Variants in PCDHGA10 observed in about 807,000 individuals in gnomAD.
PCDHGA10 encodes protocadherin gamma-A10.
In PCDHGA10, 42 loss-of-function variants were observed where a neutral mutation model predicts 59.5. The observed-to-expected ratio is 0.71, with a 90% CI of 0.55 to 0.91. The LOEUF is 0.91. PCDHGA10 is among the 40% of genes least tolerant of loss of function. PCDHGA10 has a pLI of 0.00. For missense variants in PCDHGA10, 1,111 were observed against 1,198.2 expected (o/e 0.93, Z 1.07); for synonymous variants, 511 against 517.2 (o/e 0.99, Z 0.16).
chr5:141,477,678 C>A lies in PCDHGA10; in HGVS notation c.2437-17129C>A, dbSNP rs967769574. 1 of 1,614,182 alleles carries A rather than the reference C, an allele frequency of 6.2e-7. No individual in the cohort carries two copies. The highest frequency in any genetic ancestry group is 1.3e-5 in the African/African-American group (1 of 75,054). ...AATCGTGACAATGGCATAGTGTCAT[C>A]CTTAGTGCCCCTAGACTATGAGGAT... is the stretch of plus-strand genomic sequence containing the variant. On this transcript the variant is annotated intron_variant, in intron 1 of 3. Transcript: ENST00000398610. The surrounding 1 kb of genome is among the most constrained non-coding windows in gnomAD (Gnocchi z 4.9).
intron 1 of PCDHGA10, among the ~76,000 whole-genome samples, chr5:141,455,844 T>TA (rs2098833146): frequency 6.6e-6 from 1 of 150,818 alleles, no homozygotes; most frequent in Non-Finnish European, 1.5e-5. Flanking sequence ...TCTATCTGCA[T>TA]AAAATAATTT....
In PCDHGA10 at chr5:141,432,487, G is replaced by A; in HGVS notation, c.2436+16876G>A. On this transcript the variant is annotated intron_variant, in intron 1 of 3. Coordinates refer to ENST00000398610, the MANE Select transcript of PCDHGA10 (RefSeq NM_018913.3). This position sits in a 1 kb window ranked among gnomAD's most constrained non-coding sequence, Gnocchi z 6.0. ...CCACGGACGGTTCCACTGGCGTGGA[G>A]CTGGCTCCCCGCTCCGCAGAGCCCG... 1.2e-6 allele frequency: 2 copies of A among 1,614,208 alleles called. No homozygotes were observed. The highest frequency in any genetic ancestry group is 2.2e-5 in the East Asian group (1 of 44,874).
intron 1 of PCDHGA10, among the ~76,000 whole-genome samples, chr5:141,457,938 G>A (rs915640623): frequency 6.6e-6 from 1 of 152,160 alleles, no homozygotes; most frequent in African/African-American, 2.4e-5. Flanking sequence ...GCTTTTATTG[G>A]CTCTGCATGT....
intron 2 of PCDHGA10, among the ~76,000 whole-genome samples, chr5:141,503,700 C>G (rs2099828974): frequency 6.6e-6 from 1 of 152,016 alleles, no homozygotes; most frequent in Non-Finnish European, 1.5e-5. Flanking sequence ...GAGATTCCTG[C>G]TTTCCCCTTC....
intron 1 of PCDHGA10, among the ~76,000 whole-genome samples, chr5:141,470,714 T>C (rs1416956410): frequency 1.3e-5 from 2 of 152,152 alleles, no homozygotes; most frequent in Non-Finnish European, 2.9e-5. Context: ...TTTTATTTTT[T>C]TGAGTCAGGG....
chr5:141,476,421 C>G lies in PCDHGA10; in HGVS notation c.2437-18386C>G. 1 of 1,614,026 alleles carries G rather than the reference C, an allele frequency of 6.2e-7. No homozygotes were observed. Among genetic ancestry groups the G allele is most frequent in the South Asian group, 1.1e-5 (1 of 91,066 alleles). On this transcript the variant is annotated intron_variant, in intron 1 of 3. Transcript: ENST00000398610. The surrounding 1 kb of genome is among the most constrained non-coding windows in gnomAD (Gnocchi z 7.6). ...CGAGAGGAGCTGTGTGGGACACTGC[C>G]CTCTTGCACTGTAACTCTGGAGTTG...
chr5:141,476,509 C>G lies in PCDHGA10; in HGVS notation c.2437-18298C>G. 6.2e-7 allele frequency: 1 copy of G among 1,614,144 alleles called. No individual in the cohort carries two copies. Among genetic ancestry groups the G allele is most frequent in the Non-Finnish European group, 8.5e-7 (1 of 1,180,022 alleles). ...TGGTGATCCAGGACATCAACGACAACAATCCTGCTTTCCCTACCCAGGAAA... is the reference window on the plus strand; with the variant it reads ...TGGTGATCCAGGACATCAACGACAAGAATCCTGCTTTCCCTACCCAGGAAA... On this transcript the variant is annotated intron_variant, in intron 1 of 3. Transcript: ENST00000398610. This position sits in a 1 kb window ranked among gnomAD's most constrained non-coding sequence, Gnocchi z 7.6.
chr5:141,480,914 G>A (rs959577133), intron 1 of PCDHGA10, among the ~76,000 whole-genome samples: 18 of 151,978 alleles, frequency 1.2e-4, no homozygotes, highest in South Asian at 4.2e-4. Flanking sequence ...GCATGGTGGC[G>A]CATACCTGTA....
At chr5:141,422,899 G>C (rs759972749) in intron 1 of PCDHGA10, 13 of 1,614,116 alleles carry the variant, frequency 8.1e-6, no homozygotes, top group Middle Eastern at 3.3e-4. Context: ...GGACCAGAAC[G>C]ACAATGCGCC....
intron 1 of PCDHGA10, among the ~76,000 whole-genome samples, chr5:141,470,212 C>A (rs756256854): frequency 2.0e-5 from 3 of 152,116 alleles, no homozygotes; most frequent in Non-Finnish European, 4.4e-5. Context: ...AAGGCTAAAC[C>A]ATTCAGCTTC....
At position 141,490,370 on chromosome 5, in the gene PCDHGA10, G is replaced by A. The variant is rs768474199; in HGVS notation, c.2437-4437G>A. Reference sequence around the variant, plus strand: ...GTGGGGTTGTTTAATGTGCGAGACCGGGACTCAGGTAGAAATGGTGAAGTG... The same window carrying A: ...GTGGGGTTGTTTAATGTGCGAGACCAGGACTCAGGTAGAAATGGTGAAGTG... On this transcript the variant is annotated intron_variant, in intron 1 of 3. Coordinates refer to ENST00000398610, the MANE Select transcript of PCDHGA10 (RefSeq NM_018913.3). The surrounding 1 kb of genome is among the most constrained non-coding windows in gnomAD (Gnocchi z 5.4). 32 of 1,614,054 alleles carry A rather than the reference G, an allele frequency of 2.0e-5. No homozygotes were observed. The highest frequency in any genetic ancestry group is 1.0e-4 in the Admixed American group (6 of 60,006).
intron 1 of PCDHGA10, chr5:141,418,445 T>C (rs2154547687): frequency 2.5e-6 from 4 of 1,614,038 alleles, no homozygotes; most frequent in East Asian, 2.2e-5. Context: ...AGAATTAGTA[T>C]TGCAGAAGAC....
Position 141,491,103 on chromosome 5 carries a change from G to T in PCDHGA10, c.2437-3704G>T, listed in dbSNP as rs1190609518. The T allele has an allele frequency of 6.2e-7, 1 of 1,614,162 alleles. No individual in the cohort carries two copies. ...CCACAGCCCCAGGACTGTTCCTCGT[G>T]TCTACACACACTGGTGAGGTGCGCA... On this transcript the variant is annotated intron_variant, in intron 1 of 3. Coordinates refer to ENST00000398610, the MANE Select transcript of PCDHGA10 (RefSeq NM_018913.3). The surrounding 1 kb of genome is among the most constrained non-coding windows in gnomAD (Gnocchi z 6.9).
chr5:141,458,394 T>A (rs2098944697), intron 1 of PCDHGA10, among the ~76,000 whole-genome samples: 1 of 152,062 alleles, frequency 6.6e-6, no homozygotes, highest in African/African-American at 2.4e-5. Context: ...ACGCTCCCCC[T>A]TGCAGAGACG....
intron 1 of PCDHGA10, chr5:141,420,003 T>C: frequency 6.2e-7 from 1 of 1,614,100 alleles, no homozygotes; most frequent in Non-Finnish European, 8.5e-7. Flanking sequence ...GCTCTACGCC[T>C]GCGACAGTCT....
rs962794399 is a variant in PCDHGA10, at chr5:141,449,958, AT to A, written c.2436+34355del. Among the ~76,000 whole-genome samples, 332 of 148,828 alleles carry A rather than the reference AT, an allele frequency of 2.2e-3. 1 individual carries two copies. The highest frequency in any genetic ancestry group is 6.8e-3 in the Admixed American group (101 of 14,904). Reference sequence around the variant, plus strand: ...GTATATTTTACTATACCTCATAGTAATTTTTTTTAGTCCAAAATATCACACA... The same window carrying A: ...GTATATTTTACTATACCTCATAGTAATTTTTTTAGTCCAAAATATCACACA... On this transcript the variant is annotated intron_variant, in intron 1 of 3. Coordinates refer to ENST00000398610, the MANE Select transcript of PCDHGA10 (RefSeq NM_018913.3).
intron 3 of PCDHGA10, 40 bp downstream of exon 3, chr5:141,505,521 T>C: frequency 1.9e-6 from 3 of 1,612,684 alleles, no homozygotes; most frequent in Non-Finnish European, 2.5e-6. Context: ...GTGGGAGACC[T>C]GGGGTTCTGG....
chr5:141,419,010 G>A (rs2096312778), intron 1 of PCDHGA10: 2 of 1,613,866 alleles, frequency 1.2e-6, no homozygotes, highest in Non-Finnish European at 8.5e-7. Flanking sequence ...GAAGTCAGGT[G>A]TAGCTTAAGT....
rs553673516 is a variant in PCDHGA10, at chr5:141,476,211, T to C, written c.2437-18596T>C. The C allele has an allele frequency of 5.4e-5, 87 of 1,613,942 alleles. No individual in the cohort carries two copies. The highest frequency in any genetic ancestry group is 7.0e-5 in the Non-Finnish European group (83 of 1,180,000). ...GGTGCCTTGAACAAGGCTTCCACGG[T>C]CATTCACTATGAGATCCCGGAGGAA... On this transcript the variant is annotated intron_variant, in intron 1 of 3. Coordinates refer to ENST00000398610, the MANE Select transcript of PCDHGA10 (RefSeq NM_018913.3). The surrounding 1 kb of genome is among the most constrained non-coding windows in gnomAD (Gnocchi z 7.6).
Sources: allele counts gnomAD v4.1 joint callset (sites outside exome capture counted in the v4.1 genomes callset), GRCh38; gene constraint gnomAD v4.1.1; non-coding constraint Gnocchi (gnomAD v3.1); transcripts MANE v1.5; gene names NCBI Gene and HGNC (gene_info 2026-07-23, HGNC 2026-07-21).